The following GRID1 variants were observed in gnomAD, a reference collection of about 807,000 sequenced individuals.
GRID1 encodes glutamate ionotropic receptor delta type subunit 1.
GRID1 carries 28 observed loss-of-function variants against 98.0 expected under a neutral mutation model. The observed-to-expected ratio is 0.29, with a 90% CI of 0.21 to 0.39. The LOEUF (loss-of-function observed/expected upper bound fraction) is 0.39, where lower values mean the gene tolerates loss of function less well. GRID1 is among the 10% of genes least tolerant of loss of function. GRID1 has a pLI of 1.00. For missense variants in GRID1, 1,111 were observed against 1,340.5 expected, an observed-to-expected ratio of 0.83 and a Z score of 2.67; for synonymous variants, 553 against 538.5, an observed-to-expected ratio of 1.03 and a Z score of -0.37.
chr10:86,139,075 T>C, intron 3 of GRID1, 51 bp from the exon 4 acceptor site: 2 of 1,331,694 alleles, frequency 1.5e-6, no homozygotes, highest in South Asian at 1.2e-5. Flanking sequence ...TAAGTGGGAA[T>C]GCACCCGGGA....
chr10:85,979,486 G>C (rs1179717267), intron 4 of GRID1, among the ~76,000 whole-genome samples: 2 of 152,196 alleles, frequency 1.3e-5, no homozygotes, highest in Non-Finnish European at 2.9e-5. Flanking sequence ...CCAGGAAGGA[G>C]GGATCGCTTC....
chr10:85,900,229 A>ATG (rs1841360997), intron 5 of GRID1, among the ~76,000 whole-genome samples: 2 of 152,118 alleles, frequency 1.3e-5, no homozygotes, highest in East Asian at 1.9e-4. Context: ...CCACGTGTGA[A>ATG]TGTGTGTGTG....
At chr10:86,101,170 G>A (rs1011381633) in intron 4 of GRID1, among the ~76,000 whole-genome samples, 3 of 152,158 alleles carry the variant, frequency 2.0e-5, no homozygotes, top group African/African-American at 7.2e-5. Context: ...TGGAATAACA[G>A]ATCCAGGAGA....
intron 2 of GRID1, among the ~76,000 whole-genome samples, chr10:86,248,563 C>CTTTTTTTTTTTTTTTTT (rs200060771): frequency 8.2e-6 from 1 of 121,840 alleles, no homozygotes; most frequent in South Asian, 2.7e-4. Flanking sequence ...CATGACAATT[C>CTTTTTTTTTTTTTTTTT]TTTTTTTTTT....
At chr10:85,765,912 T>G (rs1842192983) in intron 8 of GRID1, among the ~76,000 whole-genome samples, 1 of 152,198 alleles carries the variant, frequency 6.6e-6, no homozygotes, top group Admixed American at 6.5e-5. Context: ...GTGGGATACT[T>G]TCCCATGGTC....
At chr10:85,684,929 G>C (rs1841251723) in intron 12 of GRID1, among the ~76,000 whole-genome samples, 1 of 152,268 alleles carries the variant, frequency 6.6e-6, no homozygotes, top group South Asian at 2.1e-4. Context: ...TAGGGCTCCA[G>C]CCATATGACC....
chr10:86,011,175 C>A (rs993996639), intron 4 of GRID1, among the ~76,000 whole-genome samples: 1 of 152,030 alleles, frequency 6.6e-6, no homozygotes, highest in Admixed American at 6.6e-5. Flanking sequence ...TCATTGAGGG[C>A]AAAGATAATG....
intron 4 of GRID1, among the ~76,000 whole-genome samples, chr10:86,118,963 C>T (rs1844627353): frequency 6.6e-6 from 1 of 152,110 alleles, no homozygotes; most frequent in Non-Finnish European, 1.5e-5. Flanking sequence ...CCTAAGGAGA[C>T]CTGACAACTA....
rs188650060 is a variant in GRID1 at position 86,198,076 on chromosome 10, G to A, written c.520+8288C>T. 1.6e-4 allele frequency among the ~76,000 whole-genome samples: 24 copies of A among 152,204 alleles called. No homozygotes were observed. In the East Asian group the frequency reaches 4.0e-3, roughly 26 times the overall value. ...CTTTGCCAGGGGCCGCAAAGGAGAC[G>A]TCAGCAAGGGGCATTGATTAAAGTA... On this transcript the variant is annotated intron_variant, in intron 3 of 15. Coordinates refer to ENST00000327946, the MANE Select transcript of GRID1 (RefSeq NM_017551.3).
At chr10:86,357,634 ATGTG>A (rs1164072465) in intron 2 of GRID1, among the ~76,000 whole-genome samples, 2 of 152,018 alleles carry the variant, frequency 1.3e-5, no homozygotes, top group Non-Finnish European at 2.9e-5. Flanking sequence ...ATATGCATGC[ATGTG>A]TGTGTGTGTT....
chr10:86,176,009 T>C (rs1845571071), intron 3 of GRID1, among the ~76,000 whole-genome samples: 1 of 151,908 alleles, frequency 6.6e-6, no homozygotes, highest in Non-Finnish European at 1.5e-5. Context: ...ACACCCGGCC[T>C]AATTTTTGTG....
chr10:85,999,083 C>T (rs1175331901), intron 4 of GRID1, among the ~76,000 whole-genome samples: 1 of 151,944 alleles, frequency 6.6e-6, no homozygotes, highest in East Asian at 1.9e-4. Flanking sequence ...TGTGGTGGTG[C>T]ACGTCTATAA....
chr10:85,647,666 A>T (rs1843213470), intron 12 of GRID1: 3 of 397,364 alleles, frequency 7.5e-6, no homozygotes, highest in Admixed American at 3.8e-5. Context: ...AACTGGAGGG[A>T]TAAAAGGATG....
intron 3 of GRID1, among the ~76,000 whole-genome samples, chr10:86,175,954 C>T (rs1845570304): frequency 1.3e-5 from 2 of 152,178 alleles, no homozygotes; most frequent in South Asian, 4.1e-4. Flanking sequence ...GGTGATCTGC[C>T]TGCCTCGGCC....
At chr10:85,907,825 A>C (rs1351009051) in intron 5 of GRID1, among the ~76,000 whole-genome samples, 1 of 152,212 alleles carries the variant, frequency 6.6e-6, no homozygotes, top group Non-Finnish European at 1.5e-5. Flanking sequence ...ACAAAGGATA[A>C]TATAATATGA....
chr10:86,315,087 C>A (rs1258711537), intron 2 of GRID1, among the ~76,000 whole-genome samples: 3 of 152,178 alleles, frequency 2.0e-5, no homozygotes, highest in Non-Finnish European at 4.4e-5. Flanking sequence ...AGCTTCCAGG[C>A]TCTGCCTCTG....
In GRID1 at chr10:85,776,829, T is replaced by C. The variant is rs191780211; in HGVS notation, c.1234-47215A>G. On this transcript the variant is annotated intron_variant, in intron 8 of 15. Coordinates refer to ENST00000327946, the MANE Select transcript of GRID1 (RefSeq NM_017551.3). ...CATGTTCTGGCATAGTCCTCAAATC[T>C]CTGCTGTGTCCACTGAATCTCAAGT... is the stretch of plus-strand genomic sequence containing the variant. 2.4e-3 allele frequency among the ~76,000 whole-genome samples: 368 copies of C among 152,282 alleles called. 3 individuals are homozygous for C. Among genetic ancestry groups the C allele is most frequent in the African/African-American group, 8.3e-3 (345 of 41,566 alleles).
At chr10:85,648,615 C>A (rs1397980269) in intron 12 of GRID1, among the ~76,000 whole-genome samples, 1 of 152,206 alleles carries the variant, frequency 6.6e-6, no homozygotes. Context: ...CCCACCTGCA[C>A]ACAGAACCAT....
chr10:86,307,123 G>T (rs1847768797), intron 2 of GRID1, among the ~76,000 whole-genome samples: 1 of 152,212 alleles, frequency 6.6e-6, no homozygotes, highest in Non-Finnish European at 1.5e-5. Context: ...ATGGAAAACA[G>T]TATTGGGTAT....
Sources: allele counts gnomAD v4.1 joint callset (sites outside exome capture counted in the v4.1 genomes callset), GRCh38; gene constraint gnomAD v4.1.1; transcripts MANE v1.5; gene names NCBI Gene and HGNC (gene_info 2026-07-23, HGNC 2026-07-21).